The following NF1 variants were observed in gnomAD, a reference collection of about 807,000 sequenced individuals.
NF1 encodes the protein neurofibromin 1, also known as neurofibromin.
NF1 carries 122 observed loss-of-function variants against 325.7 expected under a neutral mutation model. The observed-to-expected ratio is 0.37, with a 90% CI of 0.32 to 0.44. The LOEUF (loss-of-function observed/expected upper bound fraction) is 0.44, where lower values mean the gene tolerates loss of function less well. Ranked by LOEUF, NF1 falls within the 20% of genes least tolerant of loss-of-function variation. The pLI is 1.00. For missense variants in NF1, 2,140 were observed against 3,415.4 expected, an observed-to-expected ratio of 0.63 and a Z score of 9.31; for synonymous variants, 1,091 against 1,186.0, an observed-to-expected ratio of 0.92 and a Z score of 1.65.
intron 1 of NF1, among the ~76,000 whole-genome samples, chr17:31,122,128 G>T (rs980823482): frequency 6.6e-6 from 1 of 152,130 alleles, no homozygotes; most frequent in Admixed American, 6.5e-5. Flanking sequence ...ATAGAAGATG[G>T]ATTTGAAGGG....
At position 31,295,099 on chromosome 17, in the gene NF1, T is replaced by C. The variant is rs1199643348; in HGVS notation, c.4835+29760T>C. The C allele has an allele frequency of 1.2e-5, 19 of 1,614,058 alleles. No individual in the cohort carries two copies. Among genetic ancestry groups the C allele is most frequent in the African/African-American group, 5.3e-5 (4 of 74,946 alleles). ...TTGCCACAGAAGGTAATGGAGTCTT[T>C]ACATTTGTGGTTGTCTCTTCCCTCC... On this transcript the variant is annotated intron_variant, in intron 36 of 57. Transcript: ENST00000358273.
intron 36 of NF1, chr17:31,314,078 T>G (rs912939045): frequency 1.3e-5 from 5 of 397,930 alleles, no homozygotes; most frequent in Non-Finnish European, 2.2e-5. Flanking sequence ...CAATTCAGAT[T>G]TAAAATGTTC....
At chr17:31,107,727 T>TA (rs1214732565) in intron 1 of NF1, among the ~76,000 whole-genome samples, 1 of 152,200 alleles carries the variant, frequency 6.6e-6, no homozygotes, top group East Asian at 1.9e-4. Context: ...TCAAGACACC[T>TA]CACTATCCTA....
chr17:31,366,420 C>T (rs2070522066), intron 57 of NF1, among the ~76,000 whole-genome samples: 1 of 152,176 alleles, frequency 6.6e-6, no homozygotes, highest in Admixed American at 6.5e-5. Flanking sequence ...TCTCACTTTG[C>T]TTCTGTAATG....
At chr17:31,198,481 G>C (rs998927601) in intron 8 of NF1, among the ~76,000 whole-genome samples, 2 of 152,112 alleles carry the variant, frequency 1.3e-5, no homozygotes, top group Admixed American at 1.3e-4. Context: ...AGTTAGTTTC[G>C]GTAGACTGTG....
At chr17:31,341,688 GGT>G (rs142968323) in intron 47 of NF1, among the ~76,000 whole-genome samples, 13 of 146,986 alleles carry the variant, frequency 8.8e-5, no homozygotes, top group South Asian at 4.4e-4. Context: ...GTGCTAATGG[GGT>G]GTGTGTGTGT....
At chr17:31,282,167 G>A (rs2068132000) in intron 36 of NF1, among the ~76,000 whole-genome samples, 1 of 152,142 alleles carries the variant, frequency 6.6e-6, no homozygotes, top group South Asian at 2.1e-4. Context: ...TGAATCCCGA[G>A]GTCAGGAGAT....
At chr17:31,099,124 A>G (rs896460279) in intron 1 of NF1, among the ~76,000 whole-genome samples, 18 of 152,040 alleles carry the variant, frequency 1.2e-4, no homozygotes, top group Non-Finnish European at 1.8e-4. Context: ...TAAAGATGGC[A>G]ACTCTGTTTA....
At chr17:31,345,433 G>A (rs1355650661) in intron 48 of NF1, 7 of 1,286,736 alleles carry the variant, frequency 5.4e-6, no homozygotes, top group East Asian at 2.5e-5. Flanking sequence ...GCCAGAGGTA[G>A]GGGGCCGAGA....
rs864622465 is a variant in NF1, at chr17:31,181,758, T to C, written c.703T>C (p.Tyr235His). ...ENYPDEFTKLYQIPQTDMAEC... is the reference protein window; with the variant it reads ...ENYPDEFTKLHQIPQTDMAEC... ...TTATCCAGATGAATTTACAAAACTGTACCAGATCCCACAGACTGATATGGC... is the reference window on the plus strand; with the variant it reads ...TTATCCAGATGAATTTACAAAACTGCACCAGATCCCACAGACTGATATGGC... The change falls in exon 7 of 58, where the codon TAC becomes CAC. Residue 235 changes from tyrosine to histidine, a missense_variant. By Grantham distance (83) the Tyr-to-His change is moderately conservative (BLOSUM62 2). Coordinates refer to ENST00000358273, the MANE Select transcript of NF1 (RefSeq NM_001042492.3). The C allele has an allele frequency of 1.2e-6, 2 of 1,609,206 alleles. No individual in the cohort carries two copies. The highest frequency in any genetic ancestry group is 3.3e-5 in the Admixed American group (2 of 59,984).
chr17:31,190,548 G>A (rs533105655), intron 8 of NF1, among the ~76,000 whole-genome samples: 3 of 152,274 alleles, frequency 2.0e-5, no homozygotes, highest in South Asian at 4.1e-4. Flanking sequence ...GTAACATTCT[G>A]TTACACTAAT....
chr17:31,115,022 G>A (rs1360117377), intron 1 of NF1, among the ~76,000 whole-genome samples: 1 of 152,104 alleles, frequency 6.6e-6, no homozygotes, highest in Non-Finnish European at 1.5e-5. Flanking sequence ...CCATTATGTA[G>A]CAACAGTACA....
At chr17:31,253,623 G>A (rs2067530644) in intron 31 of NF1, 2 of 152,206 alleles carry the variant, frequency 1.3e-5, no homozygotes, top group Admixed American at 1.3e-4. Context: ...AGAAAACTGA[G>A]TTCATATTTG....
At chr17:31,113,074 C>A (rs891671202) in intron 1 of NF1, among the ~76,000 whole-genome samples, 9 of 152,006 alleles carry the variant, frequency 5.9e-5, no homozygotes, top group African/African-American at 2.2e-4. Context: ...CTTTTGTTAT[C>A]CTTGTATGGT....
chr17:31,106,372 ATTC>A (rs771813837), intron 1 of NF1, among the ~76,000 whole-genome samples: 29 of 152,096 alleles, frequency 1.9e-4, no homozygotes, highest in Non-Finnish European at 3.7e-4. Flanking sequence ...TTTTCTATCC[ATTC>A]TTTATAATTT....
At chr17:31,274,334 A>C (rs2067961182) in intron 36 of NF1, among the ~76,000 whole-genome samples, 2 of 152,156 alleles carry the variant, frequency 1.3e-5, no homozygotes, top group African/African-American at 4.8e-5. Flanking sequence ...TATTCTGCTA[A>C]TGTTTTCATC....
chr17:31,212,072 A>G (rs2066737790), intron 12 of NF1, among the ~76,000 whole-genome samples: 1 of 152,126 alleles, frequency 6.6e-6, no homozygotes, highest in African/African-American at 2.4e-5. Flanking sequence ...AGCTTAAAAC[A>G]CTTTGTATAG....
At chr17:31,309,990 T>C (rs2151515401) in intron 36 of NF1, among the ~76,000 whole-genome samples, 1 of 152,324 alleles carries the variant, frequency 6.6e-6, no homozygotes, top group Middle Eastern at 3.4e-3. Flanking sequence ...CAATTCAGTG[T>C]AGTCCAGAGA....
intron 57 of NF1, among the ~76,000 whole-genome samples, chr17:31,368,694 C>T (rs572548522): frequency 2.6e-5 from 4 of 152,306 alleles, no homozygotes; most frequent in African/African-American, 9.6e-5. Flanking sequence ...ATATTAGGAG[C>T]ATCTTAATTT....
Sources: allele counts gnomAD v4.1 joint callset (sites outside exome capture counted in the v4.1 genomes callset), GRCh38; gene constraint gnomAD v4.1.1; transcripts MANE v1.5; gene names NCBI Gene and HGNC (gene_info 2026-07-23, HGNC 2026-07-21).